STAT4: variants seen among roughly 807,000 people sequenced by gnomAD.
The protein encoded by STAT4 is signal transducer and activator of transcription 4.
STAT4 carries 42 observed loss-of-function variants against 110.5 expected under a neutral mutation model. The observed-to-expected ratio is 0.38, with a 90% CI of 0.30 to 0.49. The LOEUF (loss-of-function observed/expected upper bound fraction) is 0.49. Among genes scored for constraint, STAT4 ranks in the 20% least tolerant of loss-of-function variants. The probability of loss-of-function intolerance (pLI) is 0.95; values close to 1 mark genes in which losing one functional copy is unlikely to be tolerated. For synonymous variants in STAT4, 284 were observed against 302.2 expected (o/e 0.94, Z 0.63); for missense variants, 632 against 887.9 (o/e 0.71, Z 3.66).
intron 18 of STAT4, among the ~76,000 whole-genome samples, 197 bp from the exon 19 acceptor site, chr2:191,034,202 T>C (rs3024892): frequency 0.037 from 5,611 of 152,100 alleles, 332 homozygotes; most frequent in African/African-American, 0.13. Flanking sequence ...GCGGGCAGAT[T>C]ATGAGGTCAG....
At chr2:191,074,997 T>C (rs1349560289) in intron 4 of STAT4, among the ~76,000 whole-genome samples, 1 of 151,946 alleles carries the variant, frequency 6.6e-6, no homozygotes, top group East Asian at 1.9e-4. Context: ...CTGTCTCTAC[T>C]AAAAATACAA....
chr2:191,047,885 TGAACTCCTGAGCTCAA>T (rs1297749119), intron 14 of STAT4, among the ~76,000 whole-genome samples: 2 of 152,204 alleles, frequency 1.3e-5, no homozygotes, highest in Non-Finnish European at 2.9e-5. Context: ...AGGCTGGTCT[TGAACTCCTGAGCTCAA>T]GTGATCTGCC....
intron 4 of STAT4, 42 bp downstream of exon 4, chr2:191,076,185 A>C (rs1239974703): frequency 2.0e-6 from 3 of 1,504,574 alleles, no homozygotes; most frequent in Non-Finnish European, 2.8e-6. Context: ...AGAAAAATTG[A>C]GTTCAAGGTG....
At chr2:191,034,422 CAAA>C (rs375344996) in intron 18 of STAT4, 123 bp downstream of exon 18, 3,117 of 504,072 alleles carry the variant, frequency 6.2e-3, no homozygotes, top group East Asian at 7.2e-3. Flanking sequence ...GACTCTATCT[CAAA>C]AAAAAAAAAA....
At chr2:191,118,784 G>A (rs1698638291) in intron 3 of STAT4, among the ~76,000 whole-genome samples, 2 of 151,858 alleles carry the variant, frequency 1.3e-5, no homozygotes, top group African/African-American at 4.8e-5. Flanking sequence ...TTTGAGTTGG[G>A]GTCTCACTCT....
chr2:191,145,969 C>T (rs902328737), intron 3 of STAT4, among the ~76,000 whole-genome samples: 1 of 152,168 alleles, frequency 6.6e-6, no homozygotes, highest in Admixed American at 6.5e-5. Context: ...TACCACAAGT[C>T]CAGACTTATG....
At chr2:191,063,754 T>C (rs1477852130) in intron 8 of STAT4, among the ~76,000 whole-genome samples, 2 of 152,234 alleles carry the variant, frequency 1.3e-5, no homozygotes, top group East Asian at 1.9e-4. Flanking sequence ...CCCTTTATTA[T>C]TGTTTTCACA....
Position 191,030,166 on chromosome 2 carries a change from A to T in STAT4, c.2221-300T>A, listed in dbSNP as rs1352917012. On this transcript the variant is annotated intron_variant, in intron 23 of 23. Coordinates refer to ENST00000392320, the MANE Select transcript of STAT4 (RefSeq NM_003151.4). This position sits in a 1 kb window ranked among gnomAD's most constrained non-coding sequence, Gnocchi z 4.4. ...TGTTCAGTTAGACATAAATAACTTGACGATTTAAGGGAACTAACATTAGAA... is the reference window on the plus strand; with the variant it reads ...TGTTCAGTTAGACATAAATAACTTGTCGATTTAAGGGAACTAACATTAGAA... 2.0e-5 allele frequency among the ~76,000 whole-genome samples: 3 copies of T among 152,244 alleles called. No homozygotes were observed. Among genetic ancestry groups the T allele is most frequent in the Admixed American group, 1.3e-4 (2 of 15,290 alleles).
intron 3 of STAT4, among the ~76,000 whole-genome samples, chr2:191,119,477 A>G (rs112521417): frequency 2.0e-5 from 3 of 152,348 alleles, no homozygotes; most frequent in African/African-American, 7.2e-5. Context: ...TTCATAAGAC[A>G]TGAAAGACTT....
intron 6 of STAT4, among the ~76,000 whole-genome samples, chr2:191,067,499 G>A (rs983682135): frequency 6.6e-6 from 1 of 152,106 alleles, no homozygotes; most frequent in East Asian, 1.9e-4. Context: ...GTCCCAAACC[G>A]TTGTTTGTTC....
At chr2:191,065,643 A>G (rs1378222958) in intron 7 of STAT4, among the ~76,000 whole-genome samples, 1 of 152,200 alleles carries the variant, frequency 6.6e-6, no homozygotes, top group African/African-American at 2.4e-5. Context: ...TTTATTATGC[A>G]TAAAAACATT....
intron 13 of STAT4, among the ~76,000 whole-genome samples, chr2:191,056,079 C>A (rs1696682498): frequency 6.6e-6 from 1 of 152,132 alleles, no homozygotes; most frequent in African/African-American, 2.4e-5. Context: ...ATACTAAAAA[C>A]CAAACATTTT....
chr2:191,072,960 T>G (rs944939726), intron 5 of STAT4, 138 bp downstream of exon 5: 1 of 586,194 alleles, frequency 1.7e-6, no homozygotes, highest in Admixed American at 3.0e-5. Context: ...ATAAACATAG[T>G]ATGTGAGAGA....
chr2:191,036,106 T>C, intron 17 of STAT4, 58 bp downstream of exon 17: 4 of 1,584,414 alleles, frequency 2.5e-6, no homozygotes, highest in Non-Finnish European at 3.4e-6. Context: ...GTCCTGGTTA[T>C]TTAAAATGCC....
intron 6 of STAT4, 29 bp downstream of exon 6, chr2:191,069,664 G>T (rs1191889482): frequency 6.5e-7 from 1 of 1,549,856 alleles, no homozygotes; most frequent in Non-Finnish European, 8.9e-7. Flanking sequence ...TTGTCTCTAT[G>T]CATAATTATA....
chr2:191,118,446 T>C (rs1253735662), intron 3 of STAT4, among the ~76,000 whole-genome samples: 2 of 152,180 alleles, frequency 1.3e-5, no homozygotes, highest in Non-Finnish European at 2.9e-5. Flanking sequence ...ATCTTTCACT[T>C]CCTCCCTTGA....
In STAT4 at chr2:191,046,712, G is replaced by T. The variant is rs1312696479; in HGVS notation, c.1252-5564C>A. On this transcript the variant is annotated intron_variant, in intron 14 of 23. Transcript: ENST00000392320. This position sits in a 1 kb window ranked among gnomAD's most constrained non-coding sequence, Gnocchi z 4.6. ...AATCTATATTTGGTCCCTGCACCTG[G>T]TTACTGAGACAGAGCTCCTAAGACC... Among the ~76,000 whole-genome samples, 1 of 152,190 alleles carries T rather than the reference G, an allele frequency of 6.6e-6. No individual in the cohort carries two copies. The highest frequency in any genetic ancestry group is 2.4e-5 in the African/African-American group (1 of 41,442).
In STAT4 at chr2:191,061,479, C is replaced by T. The variant is rs1271741804; in HGVS notation, c.1034+250G>A. On this transcript the variant is annotated intron_variant, in intron 10 of 23. Coordinates refer to ENST00000392320, the MANE Select transcript of STAT4 (RefSeq NM_003151.4). This position sits in a 1 kb window ranked among gnomAD's most constrained non-coding sequence, Gnocchi z 6.2. ...CTTTTCAGCAATTAATTTCATTGTG[C>T]CTGATATTATGATTCCATACTTTCA... Among the ~76,000 whole-genome samples the T allele has an allele frequency of 6.6e-6, 1 of 152,166 alleles. No homozygotes were observed. The highest frequency in any genetic ancestry group is 2.4e-5 in the African/African-American group (1 of 41,432).
chr2:191,088,283 T>C (rs985809059), intron 3 of STAT4, among the ~76,000 whole-genome samples: 25 of 152,074 alleles, frequency 1.6e-4, no homozygotes, highest in African/African-American at 5.1e-4. Flanking sequence ...GAACAAATCA[T>C]TGGAATTTGA....
Sources: gnomAD v4.1 joint callset for allele counts (sites outside exome capture counted in the v4.1 genomes callset) on GRCh38, gnomAD v4.1.1 for gene constraint, Gnocchi (gnomAD v3.1) non-coding constraint, MANE v1.5 for transcripts, NCBI Gene and HGNC (gene_info 2026-07-23, HGNC 2026-07-21) for gene names.